Variants in PCDH15 observed in about 807,000 individuals in gnomAD.
The protein encoded by PCDH15 is protocadherin-15.
PCDH15 carries 129 observed loss-of-function variants against 178.5 expected under a neutral mutation model. That is an observed-to-expected ratio of 0.72 (90% CI 0.63 to 0.84). The LOEUF (loss-of-function observed/expected upper bound fraction) is 0.84. Among genes scored for constraint, PCDH15 ranks in the 40% least tolerant of loss-of-function variants. The pLI is 0.00. For synonymous variants in PCDH15, 800 were observed against 732.0 expected, an observed-to-expected ratio of 1.09 and a Z score of -1.50; for missense variants, 2,230 against 2,099.9, an observed-to-expected ratio of 1.06 and a Z score of -1.21.
rs2076953185 is a variant in PCDH15 at position 54,458,292 on chromosome 10, A to G, written c.157+69520T>C. The stretch of plus-strand genomic sequence containing the variant: ...TTTTATTCACACTACCGTAAGAATT[A>G]GTATCTTAAAAATTTTCCAATATGT... On this transcript the variant is annotated intron_variant, in intron 3 of 37. Coordinates refer to ENST00000644397, the MANE Select transcript of PCDH15 (RefSeq NM_001384140.1). Among the ~76,000 whole-genome samples the G allele has an allele frequency of 5.3e-5, 8 of 152,176 alleles. No homozygotes were observed. The South Asian group carries it at 1.7e-3, about 31-fold the overall frequency.
At chr10:54,873,724 G>T (rs1354484642) in intron 3 of PCDH15, among the ~76,000 whole-genome samples, 1 of 144,150 alleles carries the variant, frequency 6.9e-6, no homozygotes, top group Non-Finnish European at 1.5e-5. Context: ...TATAATATAT[G>T]TGTATGTATA....
At chr10:53,953,422 A>T (rs966544995) in intron 23 of PCDH15, among the ~76,000 whole-genome samples, 1 of 152,328 alleles carries the variant, frequency 6.6e-6, no homozygotes, top group East Asian at 1.9e-4. Flanking sequence ...AATCAAGTGT[A>T]TAGTAATTCT....
chr10:54,422,600 T>C (rs918935232), intron 3 of PCDH15, among the ~76,000 whole-genome samples: 3 of 152,148 alleles, frequency 2.0e-5, no homozygotes, highest in South Asian at 2.1e-4. Context: ...TGGCCAGTAG[T>C]GTACCTCCTC....
intron 1 of PCDH15, among the ~76,000 whole-genome samples, chr10:55,170,412 G>T (rs1387639944): frequency 1.3e-5 from 2 of 152,082 alleles, no homozygotes; most frequent in African/African-American, 4.8e-5. Flanking sequence ...GCCTCCCAAA[G>T]TGCTATGATT....
chr10:55,051,648 G>T (rs556024698), intron 2 of PCDH15, among the ~76,000 whole-genome samples: 2 of 152,098 alleles, frequency 1.3e-5, no homozygotes, highest in African/African-American at 4.8e-5. Flanking sequence ...AATCATAGAT[G>T]TTTATAGCAT....
At chr10:54,166,925 A>C (rs960743232) in intron 13 of PCDH15, among the ~76,000 whole-genome samples, 9 of 151,160 alleles carry the variant, frequency 6.0e-5, no homozygotes, top group Non-Finnish European at 1.0e-4. Context: ...CACCTTGCGA[A>C]CCCCACTCCT....
At chr10:55,097,398 T>A (rs987558279) in intron 2 of PCDH15, among the ~76,000 whole-genome samples, 2 of 152,024 alleles carry the variant, frequency 1.3e-5, no homozygotes, top group Non-Finnish European at 2.9e-5. Context: ...TGAAAGTGGG[T>A]CTTTAGCCTT....
At chr10:54,008,254 ACG>A (rs1446155876) in intron 20 of PCDH15, among the ~76,000 whole-genome samples, 1 of 152,184 alleles carries the variant, frequency 6.6e-6, no homozygotes, top group Non-Finnish European at 1.5e-5. Flanking sequence ...ATGAGTCAGG[ACG>A]CCTTGACCAA....
intron 2 of PCDH15, among the ~76,000 whole-genome samples, chr10:54,949,819 G>A (rs1478025654): frequency 5.9e-5 from 9 of 151,882 alleles, no homozygotes; most frequent in African/African-American, 2.2e-4. Context: ...CAGTCTCTTT[G>A]CTAAAGCATA....
intron 23 of PCDH15, among the ~76,000 whole-genome samples, chr10:53,957,552 G>A (rs1280717832): frequency 6.8e-6 from 1 of 147,916 alleles, no homozygotes; most frequent in East Asian, 2.0e-4. Flanking sequence ...TGACTGATGG[G>A]CAGCCTGGAT....
Position 54,576,461 on chromosome 10 carries a change from A to C in PCDH15, c.92-48584T>G, listed in dbSNP as rs1257774232. On this transcript the variant is annotated intron_variant, in intron 2 of 37. Transcript: ENST00000644397. The stretch of plus-strand genomic sequence containing the variant: ...ACAACTTGCTGTAAATGAAAGACAA[A>C]GATGAATAAAGCCAAACACTGGTAT... Among the ~76,000 whole-genome samples, 6 of 152,342 alleles carry C rather than the reference A, an allele frequency of 3.9e-5. No homozygotes were observed. In the South Asian group the frequency reaches 1.2e-3, roughly 32 times the overall value.
chr10:54,748,718 A>T (rs1426952191), intron 1 of PCDH15, among the ~76,000 whole-genome samples: 1 of 152,202 alleles, frequency 6.6e-6, no homozygotes, highest in Non-Finnish European at 1.5e-5. Context: ...GTTTGTCAAC[A>T]CTGTACCAGA....
intron 3 of PCDH15, among the ~76,000 whole-genome samples, chr10:54,492,624 C>A (rs962745043): frequency 1.3e-5 from 2 of 152,070 alleles, no homozygotes; most frequent in Non-Finnish European, 2.9e-5. Flanking sequence ...TTCTGAGTAG[C>A]ATGATAAAAT....
chr10:55,384,001 T>A (rs1176953982), intron 2 of PCDH15, among the ~76,000 whole-genome samples: 1 of 152,182 alleles, frequency 6.6e-6, no homozygotes, highest in African/African-American at 2.4e-5. Context: ...GTTAAAAGCA[T>A]TGAATTTTTC....
intron 8 of PCDH15, among the ~76,000 whole-genome samples, chr10:54,251,157 A>G (rs1347226210): frequency 6.6e-6 from 1 of 152,144 alleles, no homozygotes; most frequent in Non-Finnish European, 1.5e-5. Flanking sequence ...TTTTCTTTCA[A>G]TGCACTGCAA....
chr10:54,379,742 G>A (rs1159880396), intron 3 of PCDH15, among the ~76,000 whole-genome samples: 3 of 151,978 alleles, frequency 2.0e-5, no homozygotes, highest in Non-Finnish European at 4.4e-5. Context: ...ACGCAGCAAT[G>A]ATCTCTTTGC....
chr10:55,121,426 C>T (rs1333943563), intron 2 of PCDH15, among the ~76,000 whole-genome samples: 1 of 151,208 alleles, frequency 6.6e-6, no homozygotes, highest in Non-Finnish European at 1.5e-5. Context: ...TTAGAAGAAA[C>T]TGTAGATTTA....
At chr10:54,117,838 C>A (rs1426863675) in intron 15 of PCDH15, among the ~76,000 whole-genome samples, 1 of 152,050 alleles carries the variant, frequency 6.6e-6, no homozygotes, top group Non-Finnish European at 1.5e-5. Flanking sequence ...GTTGTTATGT[C>A]ATTTGCTGGA....
chr10:55,287,178 G>A (rs112503070), intron 1 of PCDH15, among the ~76,000 whole-genome samples: 75 of 152,088 alleles, frequency 4.9e-4, no homozygotes, highest in African/African-American at 1.7e-3. Flanking sequence ...GTGTTGAGAA[G>A]AAGGTTCTAC....
Sources: gnomAD v4.1 joint callset for allele counts (sites outside exome capture counted in the v4.1 genomes callset) on GRCh38, gnomAD v4.1.1 for gene constraint, MANE v1.5 for transcripts, NCBI Gene and HGNC (gene_info 2026-07-23, HGNC 2026-07-21) for gene names.